Variants in SHROOM3 observed in about 807,000 individuals in gnomAD.
The protein encoded by SHROOM3 is shroom family member 3, also known as protein Shroom3.
SHROOM3 carries 47 observed loss-of-function variants against 138.6 expected under a neutral mutation model. The ratio of observed to expected loss-of-function variants is 0.34; its 90% CI spans 0.27 to 0.43. The LOEUF (loss-of-function observed/expected upper bound fraction) is 0.43, where lower values mean the gene tolerates loss of function less well. Ranked by LOEUF, SHROOM3 falls within the 20% of genes least tolerant of loss-of-function variation. SHROOM3 has a pLI of 1.00. For missense variants in SHROOM3, 2,491 were observed against 2,596.5 expected (o/e 0.96, Z 0.88); for synonymous variants, 1,062 against 1,063.3 (o/e 1.00, Z 0.02).
At chr4:76,723,288 T>A (rs1720604052) in intron 3 of SHROOM3, among the ~76,000 whole-genome samples, 1 of 152,204 alleles carries the variant, frequency 6.6e-6, no homozygotes, top group Non-Finnish European at 1.5e-5. Flanking sequence ...TTTTATACCA[T>A]CTGCTCTTCA....
chr4:76,547,740 G>T (rs2110024389), intron 1 of SHROOM3, among the ~76,000 whole-genome samples: 1 of 152,108 alleles, frequency 6.6e-6, no homozygotes, highest in South Asian at 2.1e-4. Flanking sequence ...GATCAGCCTG[G>T]CCAACATGGT....
At chr4:76,720,086 C>T (rs540084984) in intron 3 of SHROOM3, among the ~76,000 whole-genome samples, 43 of 150,656 alleles carry the variant, frequency 2.9e-4, no homozygotes, top group Admixed American at 7.3e-4. Context: ...ACCTACTGAA[C>T]CACTTTTTAA....
rs189609074 is a variant in SHROOM3 at position 76,756,841 on chromosome 4, G to A, written c.5102G>A (p.Gly1701Asp). Residue 1701 changes from glycine to aspartate, a missense_variant, in exon 8 of 11, where the codon GGT becomes GAT. Physicochemically the swap from Gly to Asp is moderately conservative, Grantham distance 94. Transcript: ENST00000296043. The part of the protein sequence containing the change: ...RLKTTMDLME[G>D]LFPRDVNLLK... ...AAGACAACAATGGACCTGATGGAAGGTTTGTTTCCCCGAGATGTGAACTTG... is the reference window on the plus strand; with the variant it reads ...AAGACAACAATGGACCTGATGGAAGATTTGTTTCCCCGAGATGTGAACTTG... 4 of 1,614,142 alleles carry A rather than the reference G, an allele frequency of 2.5e-6. No individual in the cohort carries two copies. The Admixed American group carries it at 5.0e-5, about 20-fold the overall frequency.
rs182237014 is a variant in SHROOM3, at chr4:76,441,335, C to T, written c.168+5115C>T. Among the ~76,000 whole-genome samples, 970 of 152,210 alleles carry T rather than the reference C, an allele frequency of 6.4e-3. 10 individuals carry two copies. The highest frequency in any genetic ancestry group is 0.022 in the African/African-American group (916 of 41,500). ...GACTCGATCTCCTGACCTCGTGATC[C>T]ACCCACCTCGGCCTCCCAAAGTGTT... On this transcript the variant is annotated intron_variant, in intron 1 of 10. Coordinates refer to ENST00000296043, the MANE Select transcript of SHROOM3 (RefSeq NM_020859.4).
chr4:76,754,999 G>T lies in SHROOM3; in HGVS notation c.4516G>T (p.Asp1506Tyr). 1 of 1,612,568 alleles carries T rather than the reference G, an allele frequency of 6.2e-7. No homozygotes were observed. The highest frequency in any genetic ancestry group is 1.3e-5 in the African/African-American group (1 of 74,974). The change falls in exon 7 of 11, where the codon GAC (aspartate) becomes TAC (tyrosine). Residue 1506 changes from aspartate to tyrosine, a missense_variant. Transcript: ENST00000296043. Reference sequence around the variant, plus strand: ...CCCGCCACCTCATGAGGATTATGAAGACGAAGTGTTTGTGAGGGATCCGCA... The same window carrying T: ...CCCGCCACCTCATGAGGATTATGAATACGAAGTGTTTGTGAGGGATCCGCA... ...DSPPPHEDYE[D>Y]EVFVRDPHPK... is the part of the protein sequence containing the mutation.
At chr4:76,623,848 C>T (rs1411092024) in intron 2 of SHROOM3, among the ~76,000 whole-genome samples, 4 of 151,966 alleles carry the variant, frequency 2.6e-5, no homozygotes, top group Admixed American at 6.6e-5. Flanking sequence ...GAGATCTGGG[C>T]GGGGGAAGGG....
At chr4:76,620,941 C>T (rs536275393) in intron 2 of SHROOM3, among the ~76,000 whole-genome samples, 146 of 148,650 alleles carry the variant, frequency 9.8e-4, no homozygotes, top group African/African-American at 3.5e-3. Flanking sequence ...GTCAGCAGAA[C>T]AGCACCTTAT....
intron 2 of SHROOM3, chr4:76,689,701 T>C (rs1352722893): frequency 4.1e-6 from 4 of 985,274 alleles, no homozygotes; most frequent in Admixed American, 1.2e-4. Flanking sequence ...CGAGCGGCGA[T>C]GGTGAGTGAG....
chr4:76,522,105 G>A (rs1732578017), intron 1 of SHROOM3, among the ~76,000 whole-genome samples: 1 of 149,044 alleles, frequency 6.7e-6, no homozygotes, highest in Non-Finnish European at 1.5e-5. Context: ...ACTGTTGGAG[G>A]GTAGAAACAT....
intron 1 of SHROOM3, among the ~76,000 whole-genome samples, chr4:76,520,737 T>C (rs1381362058): frequency 6.6e-6 from 1 of 152,228 alleles, no homozygotes; most frequent in African/African-American, 2.4e-5. Context: ...GAACTATTAA[T>C]GCCACTCAAG....
At chr4:76,517,110 CA>C (rs1479498469) in intron 1 of SHROOM3, among the ~76,000 whole-genome samples, 1 of 152,216 alleles carries the variant, frequency 6.6e-6, no homozygotes, top group Non-Finnish European at 1.5e-5. Context: ...GGAGAGCAAT[CA>C]GGTTTCTTCT....
intron 2 of SHROOM3, among the ~76,000 whole-genome samples, chr4:76,561,170 C>T (rs1437593671): frequency 6.6e-6 from 1 of 152,156 alleles, no homozygotes; most frequent in Non-Finnish European, 1.5e-5. Flanking sequence ...TTTCCATCAC[C>T]TCTGCAAGTT....
intron 1 of SHROOM3, among the ~76,000 whole-genome samples, chr4:76,527,075 C>T (rs1484342208): frequency 1.3e-5 from 2 of 152,140 alleles, no homozygotes; most frequent in African/African-American, 4.8e-5. Flanking sequence ...TTCACACTCT[C>T]CCTTTCTCCT....
intron 2 of SHROOM3, among the ~76,000 whole-genome samples, chr4:76,568,588 GC>G (rs1303363011): frequency 6.6e-6 from 1 of 152,086 alleles, no homozygotes; most frequent in African/African-American, 2.4e-5. Flanking sequence ...CTGCCTTAAT[GC>G]CCCTGTGTAT....
At chr4:76,618,263 C>A (rs1042718050) in intron 2 of SHROOM3, among the ~76,000 whole-genome samples, 1 of 152,200 alleles carries the variant, frequency 6.6e-6, no homozygotes, top group Non-Finnish European at 1.5e-5. Context: ...TATGATCATG[C>A]CATTAAACTC....
intron 6 of SHROOM3, among the ~76,000 whole-genome samples, chr4:76,750,455 T>G (rs931395117): frequency 5.3e-5 from 8 of 152,132 alleles, no homozygotes; most frequent in Non-Finnish European, 1.2e-4. Flanking sequence ...AAGTGGAAGC[T>G]AAGCATTAAG....
intron 9 of SHROOM3, among the ~76,000 whole-genome samples, chr4:76,760,374 C>T (rs972939799): frequency 3.3e-5 from 5 of 152,276 alleles, no homozygotes; most frequent in South Asian, 2.1e-4. Context: ...AGAAAGTTCT[C>T]GCCTTCCACT....
chr4:76,553,183 C>T (rs1431747194), intron 1 of SHROOM3, among the ~76,000 whole-genome samples: 1 of 152,140 alleles, frequency 6.6e-6, no homozygotes. Flanking sequence ...GACAGAGTCT[C>T]GCTCTGTCGC....
intron 1 of SHROOM3, among the ~76,000 whole-genome samples, chr4:76,515,393 A>AAAGG (rs1560530482): frequency 6.6e-6 from 1 of 152,012 alleles, no homozygotes; most frequent in African/African-American, 2.4e-5. Flanking sequence ...CTGAAAAAAA[A>AAAGG]AAGGAAGGAA....
Sources: gnomAD v4.1 joint callset for allele counts (sites outside exome capture counted in the v4.1 genomes callset) on GRCh38, gnomAD v4.1.1 for gene constraint, MANE v1.5 for transcripts, NCBI Gene and HGNC (gene_info 2026-07-23, HGNC 2026-07-21) for gene names.